Variants in XRN2 observed in about 807,000 individuals in gnomAD.
XRN2 encodes 5'-3' exoribonuclease 2, also known as DHM1-like protein.
Under a neutral mutation model 138.5 loss-of-function variants are expected in XRN2, and 44 were observed. The observed-to-expected ratio is 0.32, with a 90% CI of 0.25 to 0.41. The LOEUF (loss-of-function observed/expected upper bound fraction) is 0.41. Ranked by LOEUF, XRN2 falls within the 10% of genes least tolerant of loss-of-function variation. XRN2 has a pLI of 1.00. For synonymous variants in XRN2, 354 were observed against 369.4 expected (o/e 0.96, Z 0.48); for missense variants, 937 against 1,169.3 (o/e 0.80, Z 2.90).
At chr20:21,365,748 A>T in intron 26 of XRN2, 44 bp downstream of exon 26, 1 of 1,536,834 alleles carries the variant, frequency 6.5e-7, no homozygotes, top group South Asian at 1.2e-5. Context: ...GCTTTTTCTG[A>T]ATCATCCCAT....
chr20:21,330,652 C>T lies in XRN2; in HGVS notation c.523C>T (p.Arg175Cys), dbSNP rs747493011. The T allele has an allele frequency of 1.4e-5, 22 of 1,613,304 alleles. No individual in the cohort carries two copies. Among genetic ancestry groups the T allele is most frequent in the South Asian group, 3.3e-5 (3 of 91,046 alleles). The change falls in exon 6 of 30, where the codon CGC (arginine) becomes TGC (cysteine). Residue 175 changes from arginine to cysteine, a missense_variant. This residue lies in a region of XRN2 where 471 missense variants were observed against 581.2 expected (regional missense o/e 0.81). Coordinates refer to ENST00000377191, the MANE Select transcript of XRN2 (RefSeq NM_012255.5). ...CATGGACAATCTTGCTAAATGCCTT[C>T]GCTATTACATAGCTGATCGTTTAAA... ...EFMDNLAKCL[R>C]YYIADRLNND...
chr20:21,361,152 TG>T (rs1430661974), intron 24 of XRN2, among the ~76,000 whole-genome samples: 8 of 152,246 alleles, frequency 5.3e-5, no homozygotes, highest in African/African-American at 1.9e-4. Context: ...CCTTTTCTAT[TG>T]AGACTTTGCT....
intron 9 of XRN2, 112 bp from the exon 10 acceptor site, chr20:21,333,432 C>T (rs2038242241): frequency 4.7e-6 from 5 of 1,072,444 alleles, no homozygotes; most frequent in African/African-American, 1.6e-5. Flanking sequence ...AAATTAAATA[C>T]TTGTGATATT....
chr20:21,367,894 G>A (rs537425054), intron 26 of XRN2, among the ~76,000 whole-genome samples: 1 of 152,270 alleles, frequency 6.6e-6, no homozygotes, highest in South Asian at 2.1e-4. Flanking sequence ...CTACCTCTTG[G>A]ATTTGTGAGG....
chr20:21,370,172 A>G (rs1414816930), intron 27 of XRN2, among the ~76,000 whole-genome samples: 1 of 152,030 alleles, frequency 6.6e-6, no homozygotes, highest in Non-Finnish European at 1.5e-5. Flanking sequence ...CTGTAGATGT[A>G]TGGATTTATT....
Position 21,352,514 on chromosome 20 carries a change from A to G in XRN2, c.1937-2275A>G, listed in dbSNP as rs752660549. On this transcript the variant is annotated intron_variant, in intron 20 of 29. Coordinates refer to ENST00000377191, the MANE Select transcript of XRN2 (RefSeq NM_012255.5). ...TGCCTAATTTTTTTGTATTTTTTGTAGAGGTGGGATTTCACCATGTTGGCC... is the reference window on the plus strand; with the variant it reads ...TGCCTAATTTTTTTGTATTTTTTGTGGAGGTGGGATTTCACCATGTTGGCC... Among the ~76,000 whole-genome samples, 41 of 152,038 alleles carry G rather than the reference A, an allele frequency of 2.7e-4. 1 individual carries two copies. Among genetic ancestry groups the G allele is most frequent in the Non-Finnish European group, 5.1e-4 (35 of 67,970 alleles).
intron 29 of XRN2, among the ~76,000 whole-genome samples, chr20:21,387,243 A>G (rs1236216863): frequency 6.6e-6 from 1 of 152,226 alleles, no homozygotes; most frequent in Non-Finnish European, 1.5e-5. Flanking sequence ...CCTTTAAATC[A>G]TAGCAGTCAG....
At position 21,328,732 on chromosome 20, in the gene XRN2, G is replaced by A. The variant is rs2038162674; in HGVS notation, c.427+62G>A. On this transcript the variant is annotated intron_variant, in intron 4 of 29. Coordinates refer to ENST00000377191, the MANE Select transcript of XRN2 (RefSeq NM_012255.5). ...AAGATGTATGCAGAATGAGGGGGTGGTGGCAACTTTTTCTTACAAAGAGGC... is the reference window on the plus strand; with the variant it reads ...AAGATGTATGCAGAATGAGGGGGTGATGGCAACTTTTTCTTACAAAGAGGC... 19 of 1,473,690 alleles carry A rather than the reference G, an allele frequency of 1.3e-5. 1 individual carries two copies. Among genetic ancestry groups the A allele is most frequent in the Non-Finnish European group, 9.3e-7 (1 of 1,075,228 alleles). 91.3% of individuals were successfully genotyped at this position (1,473,690 alleles called of 1,614,324 possible). A position where few individuals can be genotyped will look rare whatever the true frequency, so the allele number is the denominator to read the frequency against.
chr20:21,385,777 G>A (rs1193771093), intron 28 of XRN2, among the ~76,000 whole-genome samples: 1 of 152,130 alleles, frequency 6.6e-6, no homozygotes, highest in Non-Finnish European at 1.5e-5. Flanking sequence ...CCCAGCGCCG[G>A]GCTTTTTTCC....
At chr20:21,338,239 T>TTTCAGTTCC (rs1347368960) in intron 13 of XRN2, among the ~76,000 whole-genome samples, 18 of 152,284 alleles carry the variant, frequency 1.2e-4, no homozygotes, top group African/African-American at 3.1e-4. Context: ...CTAGCTGTCA[T>TTTCAGTTCC]TTCAGTTCCT....
At chr20:21,331,244 A>C (rs1030140234) in intron 6 of XRN2, among the ~76,000 whole-genome samples, 2 of 152,170 alleles carry the variant, frequency 1.3e-5, no homozygotes, top group Admixed American at 1.3e-4. Context: ...GAGCTTGTGA[A>C]TGATCAGTTT....
intron 28 of XRN2, among the ~76,000 whole-genome samples, chr20:21,382,748 C>T (rs1481608430): frequency 6.6e-6 from 1 of 152,186 alleles, no homozygotes; most frequent in Non-Finnish European, 1.5e-5. Context: ...AAGTTGTGTG[C>T]TCCTAAGTCC....
At chr20:21,329,410 C>T (rs746269249) in intron 4 of XRN2, among the ~76,000 whole-genome samples, 8 of 152,104 alleles carry the variant, frequency 5.3e-5, no homozygotes, top group Non-Finnish European at 1.0e-4. Flanking sequence ...TGGTGTTCTG[C>T]TACTTAAGGG....
chr20:21,377,630 C>T (rs1287086841), intron 27 of XRN2, among the ~76,000 whole-genome samples: 1 of 151,028 alleles, frequency 6.6e-6, no homozygotes, highest in Non-Finnish European at 1.5e-5. Flanking sequence ...CTTGTTACTT[C>T]TAGATTCAAT....
intron 29 of XRN2, among the ~76,000 whole-genome samples, chr20:21,388,268 C>G (rs570801830): frequency 6.6e-6 from 1 of 152,348 alleles, no homozygotes; most frequent in Admixed American, 6.5e-5. Flanking sequence ...ATTTTCCTCT[C>G]TCCTTTGGAG....
chr20:21,379,511 T>C (rs1305588054), intron 27 of XRN2, among the ~76,000 whole-genome samples: 3 of 152,222 alleles, frequency 2.0e-5, no homozygotes, highest in African/African-American at 7.2e-5. Flanking sequence ...ATTGAAAGTT[T>C]TGGAAAATTT....
intron 9 of XRN2, among the ~76,000 whole-genome samples, chr20:21,332,743 C>T (rs554864283): frequency 1.3e-5 from 2 of 152,106 alleles, no homozygotes; most frequent in African/African-American, 4.8e-5. Context: ...CATTCAAAAA[C>T]ATGCACACAC....
chr20:21,364,131 C>T (rs1268481466), intron 24 of XRN2, among the ~76,000 whole-genome samples: 1 of 152,134 alleles, frequency 6.6e-6, no homozygotes, highest in Non-Finnish European at 1.5e-5. Context: ...TGGGGTTTCA[C>T]TGTGTTAGCC....
chr20:21,337,628 A>C (rs1371646370), intron 13 of XRN2, among the ~76,000 whole-genome samples: 1 of 152,192 alleles, frequency 6.6e-6, no homozygotes, highest in Non-Finnish European at 1.5e-5. Flanking sequence ...GGGGAGCACC[A>C]ACATTAACTC....
Sources: gnomAD v4.1 joint callset for allele counts (sites outside exome capture counted in the v4.1 genomes callset) on GRCh38, gnomAD v4.1.1 for gene constraint, gnomAD v4.1.1 regional missense constraint, MANE v1.5 for transcripts, NCBI Gene and HGNC (gene_info 2026-07-23, HGNC 2026-07-21) for gene names.